FSIP1: variants seen among roughly 807,000 people sequenced by gnomAD.
The protein encoded by FSIP1 is fibrous sheath-interacting protein 1.
In FSIP1, 65 loss-of-function variants were observed where a neutral mutation model predicts 60.9. The observed-to-expected ratio is 1.07, with a 90% confidence interval of 0.87 to 1.31. The LOEUF is 1.31. Among genes scored for constraint, FSIP1 ranks in the 40% most tolerant of loss-of-function variants. The pLI, the probability that FSIP1 is intolerant of heterozygous loss-of-function variation, is 0.00. For synonymous variants in FSIP1, 209 were observed against 221.2 expected (o/e 0.94, Z 0.49); for missense variants, 675 against 665.5 (o/e 1.01, Z -0.16).
At chr15:39,618,652 C>G (rs1432207703) in intron 10 of FSIP1, among the ~76,000 whole-genome samples, 2 of 152,216 alleles carry the variant, frequency 1.3e-5, no homozygotes, top group Non-Finnish European at 2.9e-5. Flanking sequence ...TGCAAAGCTA[C>G]AGGTCTAGGC....
intron 5 of FSIP1, among the ~76,000 whole-genome samples, chr15:39,750,921 T>G (rs1482465310): frequency 6.6e-6 from 1 of 151,860 alleles, no homozygotes; most frequent in Non-Finnish European, 1.5e-5. Flanking sequence ...TATAAAGAAC[T>G]CATACAACTC....
chr15:39,723,875 T>C (rs1896082559), intron 9 of FSIP1, among the ~76,000 whole-genome samples: 1 of 152,252 alleles, frequency 6.6e-6, no homozygotes, highest in Non-Finnish European at 1.5e-5. Context: ...CTAAAATACT[T>C]TGCCATGTTA....
intron 7 of FSIP1, 47 bp from the exon 8 acceptor site, chr15:39,738,248 C>T: frequency 3.2e-6 from 4 of 1,248,448 alleles, no homozygotes; most frequent in South Asian, 2.8e-5. Context: ...AGGAAATTCA[C>T]AGTTCAGGAA....
rs543812204 is a variant in FSIP1 at position 39,632,692 on chromosome 15, C to T, written c.1189-14447G>A. Among the ~76,000 whole-genome samples the T allele has an allele frequency of 2.0e-5, 3 of 152,192 alleles. No individual in the cohort carries two copies. In the South Asian group the frequency reaches 6.2e-4, roughly 32 times the overall value. ...CCTGTAATCCCAGCTACTCAGGAGTCTGAGGCAGGAGAATCGCTTGAACCA... is the reference window on the plus strand; with the variant it reads ...CCTGTAATCCCAGCTACTCAGGAGTTTGAGGCAGGAGAATCGCTTGAACCA... On this transcript the variant is annotated intron_variant, in intron 10 of 11. Coordinates refer to ENST00000350221, the MANE Select transcript of FSIP1 (RefSeq NM_152597.5).
chr15:39,712,969 C>T (rs1007746504), intron 10 of FSIP1, among the ~76,000 whole-genome samples: 4 of 151,940 alleles, frequency 2.6e-5, no homozygotes, highest in Admixed American at 2.0e-4. Context: ...AATTTTTCCA[C>T]GAAAAACAAA....
chr15:39,721,124 T>C (rs1021843481), intron 9 of FSIP1, among the ~76,000 whole-genome samples: 1 of 152,234 alleles, frequency 6.6e-6, no homozygotes, highest in African/African-American at 2.4e-5. Context: ...AGACTTCTTA[T>C]CTGCCCTTTT....
chr15:39,617,494 C>T (rs1449786253), intron 11 of FSIP1, among the ~76,000 whole-genome samples: 3 of 152,156 alleles, frequency 2.0e-5, no homozygotes. Flanking sequence ...GTGAAACCAA[C>T]ATTATTTTCT....
chr15:39,659,627 T>TAAAA lies in FSIP1; in HGVS notation c.1189-41386_1189-41383dup, dbSNP rs10648104. Among the ~76,000 whole-genome samples, 86 of 138,012 alleles carry TAAAA rather than the reference T, an allele frequency of 6.2e-4. 1 individual carries two copies. The highest frequency in any genetic ancestry group is 9.4e-4 in the Admixed American group (13 of 13,816). The allele number at this position is 138,012 out of a possible 152,430, so 90.5% of individuals were successfully genotyped here. The stretch of plus-strand genomic sequence containing the variant: ...TTATATCTCAATAAAGCTGTTATTT[T>TAAAA]AAAAAAAAAAAAAAAAAGCAATGGC... On this transcript the variant is annotated intron_variant, in intron 10 of 11. Transcript: ENST00000350221.
chr15:39,623,568 T>C (rs1891524656), intron 10 of FSIP1, among the ~76,000 whole-genome samples: 1 of 152,188 alleles, frequency 6.6e-6, no homozygotes, highest in South Asian at 2.1e-4. Context: ...GACGAAGATA[T>C]AAGTTTATAG....
intron 11 of FSIP1, among the ~76,000 whole-genome samples, chr15:39,606,845 G>A (rs142676200): frequency 7.4e-4 from 112 of 152,232 alleles, no homozygotes; most frequent in Middle Eastern, 6.8e-3. Flanking sequence ...TAGTAGGAAG[G>A]GAGAATACTA....
At chr15:39,635,488 T>A (rs1027654511) in intron 10 of FSIP1, among the ~76,000 whole-genome samples, 11 of 152,152 alleles carry the variant, frequency 7.2e-5, no homozygotes, top group African/African-American at 2.7e-4. Context: ...GTACACTCTT[T>A]CAAAGGGCCG....
intron 9 of FSIP1, among the ~76,000 whole-genome samples, chr15:39,715,287 C>T (rs1895696815): frequency 6.6e-6 from 1 of 152,050 alleles, no homozygotes; most frequent in Non-Finnish European, 1.5e-5. Context: ...CATTTTGGGC[C>T]CAGTTCAAGC....
chr15:39,757,347 C>G (rs757708009), intron 5 of FSIP1, among the ~76,000 whole-genome samples: 1 of 151,874 alleles, frequency 6.6e-6, no homozygotes, highest in Non-Finnish European at 1.5e-5. Context: ...TGTTGAAATA[C>G]CAGGAATATG....
chr15:39,765,516 T>C (rs1897653885), intron 4 of FSIP1, 76 bp downstream of exon 4: 1 of 1,120,376 alleles, frequency 8.9e-7, no homozygotes, highest in Non-Finnish European at 1.3e-6. Context: ...AGTGCTGGGA[T>C]TACAGGTGTG....
intron 10 of FSIP1, among the ~76,000 whole-genome samples, chr15:39,680,590 T>C (rs546406917): frequency 1.2e-4 from 18 of 152,298 alleles, no homozygotes; most frequent in African/African-American, 4.3e-4. Context: ...TCTTAGGCCA[T>C]GAAATAGTAG....
chr15:39,660,697 T>C (rs1595584416), intron 10 of FSIP1, among the ~76,000 whole-genome samples: 1 of 152,236 alleles, frequency 6.6e-6, no homozygotes, highest in South Asian at 2.1e-4. Context: ...ATTAGTATTA[T>C]CTAAATTTTT....
intron 10 of FSIP1, among the ~76,000 whole-genome samples, chr15:39,680,465 G>A (rs1894117074): frequency 6.6e-6 from 1 of 152,190 alleles, no homozygotes; most frequent in African/African-American, 2.4e-5. Flanking sequence ...CCTTGCTGCT[G>A]TGTATGGTCA....
chr15:39,601,411 T>G (rs1407283777), intron 11 of FSIP1, among the ~76,000 whole-genome samples: 3 of 152,104 alleles, frequency 2.0e-5, no homozygotes, highest in Non-Finnish European at 4.4e-5. Context: ...GAACTAAATT[T>G]TAAAAAGACA....
intron 10 of FSIP1, among the ~76,000 whole-genome samples, chr15:39,624,859 A>G (rs868287867): frequency 2.0e-5 from 3 of 152,358 alleles, no homozygotes; most frequent in South Asian, 2.1e-4. Context: ...TATCATTGCC[A>G]GAGAAACTAT....
Sources: allele counts gnomAD v4.1 joint callset (sites outside exome capture counted in the v4.1 genomes callset), GRCh38; gene constraint gnomAD v4.1.1; transcripts MANE v1.5; gene names NCBI Gene and HGNC (gene_info 2026-07-23, HGNC 2026-07-21).